TOP3B: variants seen among roughly 807,000 people sequenced by gnomAD.
The protein encoded by TOP3B is DNA topoisomerase III beta.
In TOP3B, 45 loss-of-function variants were observed where a neutral mutation model predicts 93.9. That is an observed-to-expected ratio of 0.48 (90% CI 0.38 to 0.61). The LOEUF (loss-of-function observed/expected upper bound fraction) is 0.61, where lower values mean the gene tolerates loss of function less well. Ranked by LOEUF, TOP3B falls within the 20% of genes least tolerant of loss-of-function variation. TOP3B has a pLI of 0.00. For synonymous variants in TOP3B, 357 were observed against 472.6 expected (o/e 0.76, Z 3.17); for missense variants, 750 against 1,156.1 (o/e 0.65, Z 5.09).
rs1401396745 is a variant in TOP3B at position 21,965,393 on chromosome 22, C to T, written c.853-18G>A. 3.8e-6 allele frequency: 6 copies of T among 1,570,960 alleles called. No homozygotes were observed. The East Asian group carries it at 1.4e-4, about 36-fold the overall frequency. On this transcript the variant is annotated intron_variant, in intron 8 of 17. Coordinates refer to ENST00000357179, the MANE Select transcript of TOP3B (RefSeq NM_001282112.2). Reference sequence around the variant, plus strand: ...GCCTCCACCTGGAAGACAGGACAGTCAATGATTTGGGGAAGGAGGAAGACA... The same window carrying T: ...GCCTCCACCTGGAAGACAGGACAGTTAATGATTTGGGGAAGGAGGAAGACA...
At position 21,975,569 on chromosome 22, in the gene TOP3B, A is replaced by G. The variant is rs1232616869; in HGVS notation, c.70+71T>C. On this transcript the variant is annotated intron_variant, in intron 2 of 17. Transcript: ENST00000357179. The stretch of plus-strand genomic sequence containing the variant: ...TCTACCCCAGCCAGGGTGGAATCAC[A>G]TTAGGAAAAAATGTCCTGTAACACA... The G allele has an allele frequency of 5.3e-6, 8 of 1,501,576 alleles. No homozygotes were observed. In the Admixed American group the frequency reaches 1.4e-4, roughly 26 times the overall value. The allele number at this position is 1,501,576 out of a possible 1,614,324, so 93.0% of individuals were successfully genotyped here. A position where few individuals can be genotyped will look rare whatever the true frequency, so the allele number is the denominator to read the frequency against.
chr22:21,972,133 G>A, intron 4 of TOP3B, 182 bp from the exon 5 acceptor site: 1 of 561,702 alleles, frequency 1.8e-6, no homozygotes, highest in Non-Finnish European at 3.1e-6. Context: ...GAAAAGAATT[G>A]AGTTTATAAT....
chr22:21,962,381 G>A (rs368088675), intron 13 of TOP3B, 48 bp downstream of exon 13: 8 of 1,610,454 alleles, frequency 5.0e-6, no homozygotes, highest in Admixed American at 3.3e-5. Context: ...CTCGAAGCCT[G>A]AGTACTGGAG....
chr22:21,974,012 C>G, intron 3 of TOP3B: 1 of 173,668 alleles, frequency 5.8e-6, no homozygotes. Flanking sequence ...AAATGACCGA[C>G]AGATGACGGT....
At chr22:21,960,149 C>A in intron 14 of TOP3B, 172 bp downstream of exon 14, 1 of 982,532 alleles carries the variant, frequency 1.0e-6, no homozygotes, top group Admixed American at 2.2e-5. Context: ...CTGCTCTGGG[C>A]AGGTCCTGGG....
Position 21,972,859 on chromosome 22 carries a change from C to CAGAGGT in TOP3B, c.203-142_203-141insACCTCT, listed in dbSNP as rs2145869624. On this transcript the variant is annotated intron_variant, in intron 3 of 17. Transcript: ENST00000357179. ...ATTTGCCCAGGGTCATCCTGATGAT[C>CAGAGGT]AGAGGCAGAGCCAGGATGTGGGTTC... is the stretch of plus-strand genomic sequence containing the variant. The CAGAGGT allele has an allele frequency of 1.9e-5, 13 of 693,358 alleles. No individual in the cohort carries two copies. In the South Asian group the frequency reaches 2.1e-4, roughly 11 times the overall value. The allele number at this position is 693,358 out of a possible 1,614,324, so 43.0% of individuals were successfully genotyped here. A position where few individuals can be genotyped will look rare whatever the true frequency, so the allele number is the denominator to read the frequency against.
In TOP3B at chr22:21,959,571, C is replaced by T; in HGVS notation, c.1804+16G>A. 5.0e-6 allele frequency: 8 copies of T among 1,598,440 alleles called. No homozygotes were observed. Among genetic ancestry groups the T allele is most frequent in the Non-Finnish European group, 6.8e-6 (8 of 1,170,214 alleles). ...GACACCCCTCTGGTGAGGGGCAGGCCAGAGGCAGACTCTACCAGCAATGGA... is the reference window on the plus strand; with the variant it reads ...GACACCCCTCTGGTGAGGGGCAGGCTAGAGGCAGACTCTACCAGCAATGGA... On this transcript the variant is annotated intron_variant, in intron 15 of 17. Coordinates refer to ENST00000357179, the MANE Select transcript of TOP3B (RefSeq NM_001282112.2).
chr22:21,977,973 A>G (rs1384525322), intron 1 of TOP3B, among the ~76,000 whole-genome samples: 1 of 151,728 alleles, frequency 6.6e-6, no homozygotes, highest in Non-Finnish European at 1.5e-5. Flanking sequence ...AGGCAGAAGG[A>G]GCAGGGAAGG....
rs2071079969 is a variant in TOP3B at position 21,959,645 on chromosome 22, C to T, written c.1746G>A (p.Leu582=). 5 of 1,613,736 alleles carry T rather than the reference C, an allele frequency of 3.1e-6. No homozygotes were observed. The South Asian group carries it at 5.5e-5, about 18-fold the overall frequency. The change falls in exon 15 of 18, where the codon CTG becomes CTA. Residue 582 remains leucine, a synonymous_variant. Transcript: ENST00000357179. ...AQGKADYRQV[L]GHTLDVFKRK... is the part of the protein sequence containing the mutation. The stretch of plus-strand genomic sequence containing the variant: ...TCTTGAACACGTCCAGGGTGTGGCC[C>T]AGGACCTGGCGGTAGTCGGCCTTGC...
chr22:21,974,295 C>G, intron 3 of TOP3B, 62 bp downstream of exon 3: 1 of 1,562,296 alleles, frequency 6.4e-7, no homozygotes, highest in East Asian at 2.3e-5. Flanking sequence ...CTGGCTTCAA[C>G]TGGACCCTGG....
At chr22:21,967,928 C>A in intron 7 of TOP3B, 1 of 548,146 alleles carries the variant, frequency 1.8e-6, no homozygotes. Flanking sequence ...GGCAGCCAGT[C>A]TCAGGAAGGT....
At chr22:21,957,857 T>C in intron 17 of TOP3B, 1 of 1,525,094 alleles carries the variant, frequency 6.6e-7, no homozygotes, top group Non-Finnish European at 8.8e-7. Flanking sequence ...CATCCCCCCT[T>C]TGCTTTGCTG....
intron 2 of TOP3B, 37 bp downstream of exon 2, chr22:21,975,603 C>A: frequency 1.3e-6 from 2 of 1,570,312 alleles, no homozygotes; most frequent in Non-Finnish European, 1.7e-6. Context: ...CATAAACGAC[C>A]GTGCTTACAG....
At position 21,975,674 on chromosome 22, in the gene TOP3B, G is replaced by A. The variant is rs750194685; in HGVS notation, c.36C>T (p.Ser12=). Residue 12 remains serine (S), a synonymous_variant, in exon 2 of 18, where the codon TCC becomes TCT. Transcript: ENST00000357179. ...GGATTTTGGCAATTGACTGTGCCAA[G>A]GACGGCTTTTCAGCAACCATGAGCA... The part of the protein sequence containing the change: ...KTVLMVAEKP[S]LAQSIAKILS... 2.5e-6 allele frequency: 4 copies of A among 1,612,250 alleles called. No individual in the cohort carries two copies. Among genetic ancestry groups the A allele is most frequent in the Non-Finnish European group, 3.4e-6 (4 of 1,178,776 alleles).
At position 21,958,700 on chromosome 22, in the gene TOP3B, C is replaced by A; in HGVS notation, c.1906-7G>T. The stretch of plus-strand genomic sequence containing the variant: ...GCAGGCGGCTTGGCTTGGCCTGCGG[C>A]AATGCCAGGCAGGTGGCGTGAGGGT... On this transcript the variant is annotated splice_polypyrimidine_tract_variant and splice_region_variant and intron_variant, in intron 16 of 17. Transcript: ENST00000357179. The A allele has an allele frequency of 6.3e-7, 1 of 1,589,056 alleles. No homozygotes were observed.
intron 1 of TOP3B, among the ~76,000 whole-genome samples, chr22:21,980,378 A>G (rs1484177569): frequency 1.3e-5 from 2 of 152,170 alleles, no homozygotes; most frequent in Non-Finnish European, 2.9e-5. Flanking sequence ...ATTGTTCAGA[A>G]AGGATGCCAA....
At chr22:21,966,879 C>A (rs947890418) in intron 8 of TOP3B, 3 of 152,652 alleles carry the variant, frequency 2.0e-5, no homozygotes, top group Admixed American at 1.3e-4. Flanking sequence ...GTGATCAATG[C>A]TGACAGCCTG....
intron 9 of TOP3B, 142 bp downstream of exon 9, chr22:21,965,143 C>A (rs2071364065): frequency 5.8e-6 from 3 of 514,902 alleles, no homozygotes; most frequent in Admixed American, 4.0e-5. Flanking sequence ...ACCTTTACAA[C>A]CTAAGGATAA....
chr22:21,959,337 T>C, intron 15 of TOP3B, 105 bp from the exon 16 acceptor site: 1 of 1,546,352 alleles, frequency 6.5e-7, no homozygotes, highest in Non-Finnish European at 8.7e-7. Context: ...CTATAGGCGG[T>C]GGTTTCTACT....
Sources: gnomAD v4.1 joint callset for allele counts (sites outside exome capture counted in the v4.1 genomes callset) on GRCh38, gnomAD v4.1.1 for gene constraint, MANE v1.5 for transcripts, NCBI Gene and HGNC (gene_info 2026-07-23, HGNC 2026-07-21) for gene names.